Variants in GPBP1 observed in about 807,000 individuals in gnomAD.
GPBP1 encodes the protein GC-rich promoter binding protein 1, also known as vasculin.
In GPBP1, 13 loss-of-function variants were observed where a neutral mutation model predicts 56.5. The observed-to-expected ratio is 0.23, with a 90% CI of 0.15 to 0.37. GPBP1 has a LOEUF of 0.37. Ranked by LOEUF, GPBP1 falls within the 10% of genes least tolerant of loss-of-function variation. The pLI, the probability that GPBP1 is intolerant of heterozygous loss-of-function variation, is 1.00. For synonymous variants in GPBP1, 204 were observed against 188.9 expected (o/e 1.08, Z -0.66); for missense variants, 477 against 572.3 (o/e 0.83, Z 1.70).
intron 6 of GPBP1, chr5:57,237,275 A>G (rs1459320731): frequency 3.6e-6 from 3 of 828,274 alleles, no homozygotes; most frequent in Non-Finnish European, 6.0e-6. Flanking sequence ...ATTAGGAATA[A>G]TTTGGATTTG....
intron 10 of GPBP1, among the ~76,000 whole-genome samples, chr5:57,252,521 G>T (rs953310285): frequency 2.4e-4 from 37 of 152,038 alleles, no homozygotes; most frequent in Non-Finnish European, 4.3e-4. Flanking sequence ...CTACCAAGTA[G>T]CTGGGACCAC....
At chr5:57,260,593 T>G (rs1025916416) in intron 10 of GPBP1, among the ~76,000 whole-genome samples, 1 of 152,234 alleles carries the variant, frequency 6.6e-6, no homozygotes, top group Non-Finnish European at 1.5e-5. Context: ...CAGAATTTTT[T>G]TCTTGAAATT....
intron 6 of GPBP1, among the ~76,000 whole-genome samples, chr5:57,239,537 CTG>C (rs1740721873): frequency 6.6e-6 from 1 of 151,086 alleles, no homozygotes. Context: ...TCCCAGCACT[CTG>C]GGAGGCCAAG....
In GPBP1 at chr5:57,176,007, A is replaced by G. The variant is rs187028324; in HGVS notation, c.-451A>G. ...TGTTGCAGTTTTCCGGCAGCATGGTAGTATTGAGATAGCTATGTGTGTCTC... is the reference window on the plus strand; with the variant it reads ...TGTTGCAGTTTTCCGGCAGCATGGTGGTATTGAGATAGCTATGTGTGTCTC... On this transcript the variant is annotated 5_prime_UTR_variant, in exon 2 of 12. Coordinates refer to ENST00000506184, the MANE Select transcript of GPBP1 (RefSeq NM_022913.4). 5.7e-4 allele frequency: 226 copies of G among 398,552 alleles called. 2 individuals carry two copies. The highest frequency in any genetic ancestry group is 8.8e-4 in the Non-Finnish European group (199 of 226,044). The allele number at this position is 398,552 out of a possible 1,614,324, so 24.7% of individuals were successfully genotyped here.
At chr5:57,241,030 T>C (rs556999965) in intron 6 of GPBP1, among the ~76,000 whole-genome samples, 109 of 152,198 alleles carry the variant, frequency 7.2e-4, no homozygotes, top group African/African-American at 2.4e-3. Context: ...GTCACAGGTG[T>C]TTAATAAATG....
At chr5:57,187,003 A>AGTGTGTGTGTGTGTGTGT (rs66642664) in intron 2 of GPBP1, among the ~76,000 whole-genome samples, 2 of 146,674 alleles carry the variant, frequency 1.4e-5, no homozygotes, top group Admixed American at 1.4e-4. Context: ...GACTCAGAGA[A>AGTGTGTGTGTGTGTGTGT]GTGTGTGTGT....
intron 2 of GPBP1, among the ~76,000 whole-genome samples, chr5:57,213,066 T>G (rs1469913404): frequency 1.3e-5 from 2 of 151,896 alleles, no homozygotes; most frequent in African/African-American, 2.4e-5. Context: ...TTTTTATTAT[T>G]TTTTTCAGAG....
At chr5:57,229,125 C>A (rs573301431) in intron 3 of GPBP1, among the ~76,000 whole-genome samples, 1 of 149,948 alleles carries the variant, frequency 6.7e-6, no homozygotes. Context: ...CAGCTGCTCA[C>A]GAGGCTGAGG....
chr5:57,198,310 A>G (rs1754854549), intron 2 of GPBP1, among the ~76,000 whole-genome samples: 1 of 152,150 alleles, frequency 6.6e-6, no homozygotes, highest in African/African-American at 2.4e-5. Context: ...CAAAAATTTC[A>G]TGAAGTGGCT....
At chr5:57,223,100 GT>G (rs1326027259) in intron 3 of GPBP1, among the ~76,000 whole-genome samples, 2 of 141,396 alleles carry the variant, frequency 1.4e-5, no homozygotes, top group Non-Finnish European at 3.1e-5. Context: ...TATTGCAAAT[GT>G]TTTTCTACAG....
chr5:57,203,828 A>G (rs1755117664), intron 2 of GPBP1, among the ~76,000 whole-genome samples: 1 of 152,280 alleles, frequency 6.6e-6, no homozygotes, highest in African/African-American at 2.4e-5. Flanking sequence ...AGATCATGTG[A>G]TCTGTAAACA....
chr5:57,230,137 T>C (rs1190353235), intron 3 of GPBP1, among the ~76,000 whole-genome samples: 1 of 151,890 alleles, frequency 6.6e-6, no homozygotes, highest in Non-Finnish European at 1.5e-5. Flanking sequence ...TTCTCCATGT[T>C]GGTCAGCTGG....
At chr5:57,226,553 C>CTTTTTTTT (rs34180383) in intron 3 of GPBP1, among the ~76,000 whole-genome samples, 102 of 62,116 alleles carry the variant, frequency 1.6e-3, no homozygotes, top group South Asian at 2.3e-3. Context: ...AGCATTTTTG[C>CTTTTTTTT]TTTTTTTTTT....
At chr5:57,191,395 T>TGCAA (rs1754519424) in intron 2 of GPBP1, among the ~76,000 whole-genome samples, 1 of 151,984 alleles carries the variant, frequency 6.6e-6, no homozygotes, top group Non-Finnish European at 1.5e-5. Flanking sequence ...TGCCTGGCCT[T>TGCAA]GCTCTTAGCT....
chr5:57,255,786 T>A (rs550562051), intron 10 of GPBP1, among the ~76,000 whole-genome samples: 1 of 152,220 alleles, frequency 6.6e-6, no homozygotes, highest in African/African-American at 2.4e-5. Context: ...TTAATTATAT[T>A]TTTTTAATCT....
chr5:57,246,612 A>G (rs1042565997), intron 7 of GPBP1, 128 bp downstream of exon 7: 7 of 646,468 alleles, frequency 1.1e-5, no homozygotes, highest in Non-Finnish European at 1.8e-5. Flanking sequence ...CTAGGTGGCA[A>G]GAGTTGACCC....
chr5:57,217,310 C>A (rs888198566), intron 3 of GPBP1, among the ~76,000 whole-genome samples: 1 of 152,122 alleles, frequency 6.6e-6, no homozygotes, highest in Non-Finnish European at 1.5e-5. Context: ...CGGTGGCTCA[C>A]GCCTATAATC....
At chr5:57,177,287 G>A (rs1753825628) in intron 2 of GPBP1, among the ~76,000 whole-genome samples, 1 of 152,086 alleles carries the variant, frequency 6.6e-6, no homozygotes, top group South Asian at 2.1e-4. Context: ...TTTAGTTACC[G>A]TTAGTTACTA....
chr5:57,197,472 C>G lies in GPBP1; in HGVS notation c.-57-16602C>G, dbSNP rs571439620. The stretch of plus-strand genomic sequence containing the variant: ...CTCCTGGTTCAAGCAGTTCTCCTGC[C>G]TCAGCCTCCCAAGTAGCTGGGATTA... On this transcript the variant is annotated intron_variant, in intron 2 of 11. Transcript: ENST00000506184. 5.3e-5 allele frequency among the ~76,000 whole-genome samples: 8 copies of G among 151,620 alleles called. No homozygotes were observed. The South Asian group carries it at 1.7e-3, about 31-fold the overall frequency.
Sources: gnomAD v4.1 joint callset for allele counts (sites outside exome capture counted in the v4.1 genomes callset) on GRCh38, gnomAD v4.1.1 for gene constraint, MANE v1.5 for transcripts, NCBI Gene and HGNC (gene_info 2026-07-23, HGNC 2026-07-21) for gene names.